The following UPP2 variants were observed in gnomAD, a reference collection of about 807,000 sequenced individuals.
UPP2 encodes uridine phosphorylase 2, also known as UPase 2.
A neutral mutation model predicts 26.7 loss-of-function variants in UPP2; 23 were observed. That is an observed-to-expected ratio of 0.86 (90% CI 0.62 to 1.22). The LOEUF is 1.22. UPP2 is among the 50% of genes most tolerant of loss of function. The probability of loss-of-function intolerance (pLI) is 0.00; values close to 1 mark genes in which losing one functional copy is unlikely to be tolerated. For missense variants in UPP2, 387 were observed against 396.7 expected (o/e 0.98, Z 0.21); for synonymous variants, 127 against 141.3 (o/e 0.90, Z 0.72).
At chr2:158,074,729 A>G (rs1417207814) in intron 3 of UPP2, among the ~76,000 whole-genome samples, 2 of 151,768 alleles carry the variant, frequency 1.3e-5, no homozygotes, top group African/African-American at 4.8e-5. Context: ...ACACACACAG[A>G]AAAATAACAA....
chr2:158,055,420 T>A (rs558282023), intron 3 of UPP2, among the ~76,000 whole-genome samples: 1 of 152,318 alleles, frequency 6.6e-6, no homozygotes, highest in East Asian at 1.9e-4. Context: ...TCAACCTGAA[T>A]TTTGCACGGG....
intron 3 of UPP2, among the ~76,000 whole-genome samples, chr2:158,025,197 C>T (rs1574250970): frequency 7.3e-6 from 1 of 136,280 alleles, no homozygotes; most frequent in Non-Finnish European, 1.5e-5. Flanking sequence ...GCAAGACTCC[C>T]TCTCAAAAAA....
At chr2:158,023,251 C>G (rs1683784314) in intron 3 of UPP2, among the ~76,000 whole-genome samples, 3 of 141,380 alleles carry the variant, frequency 2.1e-5, no homozygotes, top group African/African-American at 2.5e-5. Flanking sequence ...ATTTGGAAGG[C>G]TTTCAGTCCA....
intron 1 of UPP2, among the ~76,000 whole-genome samples, chr2:158,102,576 T>C (rs1045688191): frequency 4.6e-5 from 7 of 152,190 alleles, no homozygotes; most frequent in African/African-American, 9.6e-5. Context: ...GGACCTTACA[T>C]AGAATTTACT....
At chr2:157,999,426 C>T (rs1424634205) in intron 2 of UPP2, among the ~76,000 whole-genome samples, 1 of 152,216 alleles carries the variant, frequency 6.6e-6, no homozygotes, top group Non-Finnish European at 1.5e-5. Flanking sequence ...GATCCACTCG[C>T]CTTGGCTTCC....
At chr2:158,117,801 T>C in intron 3 of UPP2, 23 bp from the exon 4 acceptor site, 1 of 1,559,728 alleles carries the variant, frequency 6.4e-7, no homozygotes, top group Non-Finnish European at 8.8e-7. Context: ...AGATGTATGA[T>C]GACTTTCTCT....
chr2:158,066,801 GA>G (rs969355810), intron 3 of UPP2, among the ~76,000 whole-genome samples: 15 of 152,054 alleles, frequency 9.9e-5, no homozygotes, highest in African/African-American at 3.4e-4. Context: ...TTTGCAATCT[GA>G]GGTGCAACTT....
Position 158,134,750 on chromosome 2 carries a change from G to A in UPP2, c.814G>A (p.Ala272Thr). 1 of 1,605,466 alleles carries A rather than the reference G, an allele frequency of 6.2e-7. No homozygotes were observed. The highest frequency in any genetic ancestry group is 1.3e-5 in the African/African-American group (1 of 74,608). Residue 272 changes from alanine to threonine, a missense_variant and splice_region_variant, in exon 7 of 7, where the codon GCT becomes ACT. Physicochemically the swap from Ala to Thr is moderately conservative, Grantham distance 58 (BLOSUM62 0). Coordinates refer to ENST00000005756, the MANE Select transcript of UPP2 (RefSeq NM_173355.4). ...AMCGLCGLKA[A>T]VVCVTLLDRL... Reference sequence around the variant, plus strand: ...AGTTGTGCTAATTGCTCTTCTAGCTGCTGTGGTCTGTGTGACACTTCTCGA... The same window carrying A: ...AGTTGTGCTAATTGCTCTTCTAGCTACTGTGGTCTGTGTGACACTTCTCGA...
Position 158,135,083 on chromosome 2 carries a change from T to A in UPP2, c.*193T>A. 2 of 643,472 alleles carry A rather than the reference T, an allele frequency of 3.1e-6. No homozygotes were observed. Among genetic ancestry groups the A allele is most frequent in the Non-Finnish European group, 4.6e-6 (2 of 431,542 alleles). 39.9% of individuals were successfully genotyped at this position (643,472 alleles called of 1,614,324 possible). ...ACTCACACTAAATTAAATTCAAATT[T>A]CATTTTAGAATAAGTTAACTAAATC... On this transcript the variant is annotated 3_prime_UTR_variant, in exon 7 of 7. Coordinates refer to ENST00000005756, the MANE Select transcript of UPP2 (RefSeq NM_173355.4).
intron 3 of UPP2, among the ~76,000 whole-genome samples, chr2:158,069,139 G>A (rs1364100184): frequency 2.0e-5 from 3 of 151,870 alleles, no homozygotes; most frequent in African/African-American, 7.3e-5. Context: ...GAGGCTAGTC[G>A]CCTCTGGAAC....
chr2:158,073,708 A>C (rs1033109835), intron 3 of UPP2, among the ~76,000 whole-genome samples: 4 of 152,238 alleles, frequency 2.6e-5, no homozygotes, highest in Admixed American at 2.6e-4. Flanking sequence ...TGAAGGAAAC[A>C]AACTTTTACC....
At chr2:158,002,098 C>A (rs572806334) in intron 2 of UPP2, among the ~76,000 whole-genome samples, 1 of 152,048 alleles carries the variant, frequency 6.6e-6, no homozygotes, top group South Asian at 2.1e-4. Context: ...TAAAATTCAC[C>A]TCATTTTTCA....
At chr2:158,079,217 A>T (rs1682679938) in intron 3 of UPP2, among the ~76,000 whole-genome samples, 1 of 152,170 alleles carries the variant, frequency 6.6e-6, no homozygotes, top group Admixed American at 6.6e-5. Flanking sequence ...ATTTCTTCAT[A>T]GCAGCATGAG....
At chr2:158,078,177 G>A (rs1682661024) in intron 3 of UPP2, among the ~76,000 whole-genome samples, 1 of 152,158 alleles carries the variant, frequency 6.6e-6, no homozygotes, top group African/African-American at 2.4e-5. Flanking sequence ...CTTGTACACT[G>A]TTGGTGAGAA....
At chr2:158,112,211 A>G (rs1219076102) in intron 2 of UPP2, among the ~76,000 whole-genome samples, 1 of 152,202 alleles carries the variant, frequency 6.6e-6, no homozygotes, top group Admixed American at 6.5e-5. Flanking sequence ...AAAACTTATT[A>G]CAAAGTTATA....
At chr2:158,078,166 C>T (rs1682660773) in intron 3 of UPP2, among the ~76,000 whole-genome samples, 1 of 151,994 alleles carries the variant, frequency 6.6e-6, no homozygotes, top group Non-Finnish European at 1.5e-5. Flanking sequence ...AAAAGGAAAC[C>T]CTTGTACACT....
chr2:158,126,020 CG>C (rs1683686696), intron 6 of UPP2, among the ~76,000 whole-genome samples: 1 of 152,106 alleles, frequency 6.6e-6, no homozygotes, highest in African/African-American at 2.4e-5. Flanking sequence ...TCATGAAAAC[CG>C]GGTGATGACC....
intron 3 of UPP2, among the ~76,000 whole-genome samples, chr2:158,056,479 T>C (rs1472520741): frequency 6.6e-6 from 1 of 152,220 alleles, no homozygotes; most frequent in African/African-American, 2.4e-5. Flanking sequence ...ACTGGTGGCT[T>C]AAAAATAACA....
chr2:158,014,519 T>C (rs1371381277), intron 2 of UPP2, among the ~76,000 whole-genome samples: 1 of 152,216 alleles, frequency 6.6e-6, no homozygotes, highest in Non-Finnish European at 1.5e-5. Context: ...ACAGTTAATC[T>C]GGACCTTCCC....
Sources: allele counts gnomAD v4.1 joint callset (sites outside exome capture counted in the v4.1 genomes callset), GRCh38; gene constraint gnomAD v4.1.1; transcripts MANE v1.5; gene names NCBI Gene and HGNC (gene_info 2026-07-23, HGNC 2026-07-21).